The following EML4 variants were observed in gnomAD, a reference collection of about 807,000 sequenced individuals.
EML4 encodes the protein EMAP like 4.
EML4 carries 72 observed loss-of-function variants against 129.0 expected under a neutral mutation model. The observed-to-expected ratio is 0.56, with a 90% CI of 0.46 to 0.68. The LOEUF is 0.68. Ranked by LOEUF, EML4 falls within the 30% of genes least tolerant of loss-of-function variation. EML4 has a pLI of 0.00. For missense variants in EML4, 1,363 were observed against 1,190.6 expected (o/e 1.14, Z -2.13); for synonymous variants, 532 against 405.0 (o/e 1.31, Z -3.77).
In EML4 at chr2:42,315,994, T is replaced by C; in HGVS notation, c.2000T>C (p.Leu667Pro). 6.2e-7 allele frequency: 1 copy of C among 1,613,766 alleles called. No homozygotes were observed. The highest frequency in any genetic ancestry group is 1.1e-5 in the South Asian group (1 of 91,038). The change falls in exon 18 of 23, where the codon CTA becomes CCA. Residue 667 changes from leucine (L) to proline (P), a missense_variant. Leu to Pro is a moderately conservative substitution (Grantham distance 98). Transcript: ENST00000318522. ...WFVLDAETRD[L>P]VSIHTDGNEQ... is the part of the protein sequence containing the mutation. ...GTTCTGGATGCAGAAACCAGAGATC[T>C]AGTTTCTATCCACACAGACGGGAAT...
chr2:42,269,787 C>T (rs183872488), intron 6 of EML4, among the ~76,000 whole-genome samples: 2 of 152,250 alleles, frequency 1.3e-5, no homozygotes, highest in Non-Finnish European at 2.9e-5. Context: ...TCATAGAGTA[C>T]ATACAATTTT....
chr2:42,229,801 T>A (rs1005806109), intron 1 of EML4, among the ~76,000 whole-genome samples: 8 of 152,038 alleles, frequency 5.3e-5, no homozygotes, highest in Non-Finnish European at 1.0e-4. Context: ...TTGGGCTAAA[T>A]CTCTAAAACT....
intron 1 of EML4, among the ~76,000 whole-genome samples, chr2:42,241,292 AAGG>A (rs1347363857): frequency 2.0e-5 from 3 of 152,212 alleles, no homozygotes; most frequent in African/African-American, 7.2e-5. Context: ...TTTAGACAGG[AAGG>A]AATTAGAGCT....
chr2:42,186,875 C>T (rs1026560627), intron 1 of EML4, among the ~76,000 whole-genome samples: 1 of 151,896 alleles, frequency 6.6e-6, no homozygotes, highest in Admixed American at 6.6e-5. Context: ...AAATTTATAT[C>T]ATTGTGTATT....
intron 19 of EML4, among the ~76,000 whole-genome samples, chr2:42,321,123 C>G (rs1157480032): frequency 6.6e-6 from 1 of 152,000 alleles, no homozygotes; most frequent in Non-Finnish European, 1.5e-5. Context: ...GTGGCTCACA[C>G]TTGTAATCCC....
intron 1 of EML4, among the ~76,000 whole-genome samples, chr2:42,219,199 A>T (rs1432074487): frequency 6.6e-6 from 1 of 152,222 alleles, no homozygotes; most frequent in Non-Finnish European, 1.5e-5. Flanking sequence ...ATAAGGAAAT[A>T]CAGTTGACCC....
At chr2:42,268,252 A>C (rs1333674776) in intron 6 of EML4, among the ~76,000 whole-genome samples, 7 of 152,192 alleles carry the variant, frequency 4.6e-5, no homozygotes, top group African/African-American at 9.7e-5. Context: ...TAAACAATAC[A>C]ATATAACAAC....
At chr2:42,322,667 TTTTG>T (rs1183585653) in intron 19 of EML4, among the ~76,000 whole-genome samples, 4 of 152,344 alleles carry the variant, frequency 2.6e-5, no homozygotes, top group African/African-American at 4.8e-5. Context: ...TAGAATACTT[TTTTG>T]TTTGTCTTCA....
intron 4 of EML4, among the ~76,000 whole-genome samples, chr2:42,262,561 C>G (rs1558552523): frequency 6.6e-6 from 1 of 152,040 alleles, no homozygotes; most frequent in South Asian, 2.1e-4. Flanking sequence ...GTATTGGAGA[C>G]TGGATGAGTT....
intron 2 of EML4, among the ~76,000 whole-genome samples, chr2:42,247,825 A>G (rs1051789048): frequency 6.6e-6 from 1 of 152,068 alleles, no homozygotes; most frequent in Non-Finnish European, 1.5e-5. Context: ...TATGGGCTTT[A>G]TAGGGAATAT....
At chr2:42,182,156 TTC>T (rs1203823441) in intron 1 of EML4, among the ~76,000 whole-genome samples, 18 of 128,600 alleles carry the variant, frequency 1.4e-4, no homozygotes, top group Non-Finnish European at 2.5e-4. Flanking sequence ...AGAAAAATTC[TTC>T]TTTTTTTTTT....
intron 1 of EML4, among the ~76,000 whole-genome samples, chr2:42,216,252 T>TC: frequency 1.5e-5 from 2 of 132,648 alleles, no homozygotes; most frequent in East Asian, 4.3e-4. Context: ...TTTTTTTTTT[T>TC]TTTTTTTTGA....
chr2:42,185,203 G>C (rs1050104015), intron 1 of EML4, among the ~76,000 whole-genome samples: 3 of 152,092 alleles, frequency 2.0e-5, no homozygotes, highest in African/African-American at 7.2e-5. Flanking sequence ...GGCCAGCCTG[G>C]TCTCTTGTTC....
chr2:42,318,194 G>C (rs1669340896), intron 19 of EML4, among the ~76,000 whole-genome samples: 1 of 152,208 alleles, frequency 6.6e-6, no homozygotes, highest in Non-Finnish European at 1.5e-5. Context: ...GGTAGGCAGT[G>C]TAGCACAGTG....
chr2:42,278,894 C>T (rs1666816351), intron 6 of EML4, among the ~76,000 whole-genome samples: 2 of 151,920 alleles, frequency 1.3e-5, no homozygotes, highest in South Asian at 4.1e-4. Context: ...CAAGATGGCA[C>T]CATTGCACTC....
At chr2:42,286,080 G>T in intron 9 of EML4, 189 bp from the exon 10 acceptor site, 1 of 625,232 alleles carries the variant, frequency 1.6e-6, no homozygotes. Context: ...GTTATTTGCT[G>T]CTATTTTCTT....
intron 7 of EML4, among the ~76,000 whole-genome samples, chr2:42,282,380 CT>C (rs1267305241): frequency 1.6e-5 from 1 of 64,468 alleles, no homozygotes; most frequent in South Asian, 5.2e-4. Context: ...ATGAGTTTTC[CT>C]TTTTTTTGGT....
At chr2:42,237,537 A>T (rs928337414) in intron 1 of EML4, among the ~76,000 whole-genome samples, 1 of 152,114 alleles carries the variant, frequency 6.6e-6, no homozygotes, top group Non-Finnish European at 1.5e-5. Context: ...CTTGAATAAC[A>T]TGGGGGTTTG....
intron 1 of EML4, among the ~76,000 whole-genome samples, chr2:42,187,022 C>CT (rs925233132): frequency 9.8e-5 from 11 of 112,544 alleles, no homozygotes; most frequent in African/African-American, 1.4e-4. Flanking sequence ...TGTATTTTGT[C>CT]TTTTTTTTCT....
Sources: allele counts gnomAD v4.1 joint callset (sites outside exome capture counted in the v4.1 genomes callset), GRCh38; gene constraint gnomAD v4.1.1; transcripts MANE v1.5; gene names NCBI Gene and HGNC (gene_info 2026-07-23, HGNC 2026-07-21).